RASGRP3: variants seen among roughly 807,000 people sequenced by gnomAD.
RASGRP3 encodes the protein RAS guanyl releasing protein 3.
Under a neutral mutation model 82.7 loss-of-function variants are expected in RASGRP3, and 54 were observed. That is an observed-to-expected ratio of 0.65 (90% CI 0.52 to 0.82). RASGRP3 has a LOEUF of 0.82. Ranked by LOEUF, RASGRP3 falls within the 40% of genes least tolerant of loss-of-function variation. The pLI is 0.00. For synonymous variants in RASGRP3, 309 were observed against 300.5 expected, an observed-to-expected ratio of 1.03 and a Z score of -0.29; for missense variants, 861 against 828.9, an observed-to-expected ratio of 1.04 and a Z score of -0.48.
intron 11 of RASGRP3, among the ~76,000 whole-genome samples, chr2:33,535,510 G>A (rs1253009885): frequency 2.0e-5 from 3 of 152,222 alleles, no homozygotes; most frequent in Non-Finnish European, 4.4e-5. Flanking sequence ...AATACCTACT[G>A]TGATTCTGAA....
chr2:33,458,733 C>T (rs1007338850), intron 2 of RASGRP3, among the ~76,000 whole-genome samples: 2 of 152,166 alleles, frequency 1.3e-5, no homozygotes, highest in Non-Finnish European at 2.9e-5. Context: ...CCACCAGCAC[C>T]ATTGCATGCT....
At chr2:33,454,622 A>G (rs1425721011) in intron 2 of RASGRP3, among the ~76,000 whole-genome samples, 1 of 152,226 alleles carries the variant, frequency 6.6e-6, no homozygotes. Flanking sequence ...GTTTTTGCCC[A>G]AGTGGGAGAT....
intron 14 of RASGRP3, among the ~76,000 whole-genome samples, chr2:33,553,727 C>T (rs1213983418): frequency 6.6e-6 from 1 of 152,092 alleles, no homozygotes; most frequent in Non-Finnish European, 1.5e-5. Context: ...TCCTAGGAGA[C>T]ATTTGCATTT....
At chr2:33,445,915 A>G (rs1386165627) in intron 1 of RASGRP3, among the ~76,000 whole-genome samples, 8 of 152,166 alleles carry the variant, frequency 5.3e-5, no homozygotes, top group East Asian at 1.9e-4. Flanking sequence ...GTTTCTTAAT[A>G]TTGGAGGAAA....
rs1363330142 is a variant in RASGRP3, at chr2:33,450,818, CTTTCTTTTTTTTTTT to C, written c.-261+2879_-261+2893del. ...CTTTTCTTTCTTTTTCTCTTTCTTT[CTTTCTTTTTTTTTTT>C]TTTTTTTTTTTTTTTTTTTTTTGAG... On this transcript the variant is annotated intron_variant, in intron 2 of 18. Coordinates refer to the RASGRP3 transcript ENST00000402538. Among the ~76,000 whole-genome samples, 39 of 43,408 alleles carry C rather than the reference CTTTCTTTTTTTTTTT, an allele frequency of 9.0e-4. 1 individual carries two copies. The highest frequency in any genetic ancestry group is 2.4e-3 in the South Asian group (3 of 1,258). 28.5% of individuals were successfully genotyped at this position (43,408 alleles called of 152,430 possible). A position where few individuals can be genotyped will look rare whatever the true frequency, so the allele number is the denominator to read the frequency against.
At chr2:33,464,107 A>T (rs1269216861) in intron 2 of RASGRP3, among the ~76,000 whole-genome samples, 13 of 142,572 alleles carry the variant, frequency 9.1e-5, no homozygotes, top group East Asian at 6.2e-4. Context: ...TAATAATAAT[A>T]ATAATTATTA....
intron 15 of RASGRP3, among the ~76,000 whole-genome samples, chr2:33,556,928 C>CACACAT (rs1553366467): frequency 6.8e-4 from 101 of 148,416 alleles, no homozygotes; most frequent in Non-Finnish European, 1.2e-3. Flanking sequence ...CACACACACA[C>CACACAT]GCAATTTTAT....
At chr2:33,554,337 A>G (rs1165457505) in intron 14 of RASGRP3, among the ~76,000 whole-genome samples, 2 of 152,128 alleles carry the variant, frequency 1.3e-5, no homozygotes, top group African/African-American at 4.8e-5. Context: ...ATAGCCACCT[A>G]ACCCAAACAC....
At chr2:33,555,505 T>C (rs377740104) in intron 14 of RASGRP3, 26 bp from the exon 15 acceptor site, 2 of 1,579,780 alleles carry the variant, frequency 1.3e-6, no homozygotes, top group African/African-American at 2.7e-5. Context: ...TCAGATTCCC[T>C]GACATTCCTT....
At chr2:33,485,041 A>G (rs564375707) in intron 1 of RASGRP3, among the ~76,000 whole-genome samples, 2 of 152,262 alleles carry the variant, frequency 1.3e-5, no homozygotes, top group African/African-American at 4.8e-5. Flanking sequence ...TCTACTAAAA[A>G]TACAAAATTA....
In RASGRP3 at chr2:33,521,956, C is replaced by T; in HGVS notation, c.370C>T (p.Pro124Ser). 2.5e-6 allele frequency: 4 copies of T among 1,605,482 alleles called. No homozygotes were observed. Among genetic ancestry groups the T allele is most frequent in the Non-Finnish European group, 3.4e-6 (4 of 1,177,794 alleles). The change falls in exon 7 of 18, where the codon CCT (proline) becomes TCT (serine). Residue 124 changes from proline to serine, a missense_variant and splice_region_variant. Coordinates refer to ENST00000403687, the MANE Select transcript of RASGRP3 (RefSeq NM_001139488.2). ...HVSLIDISSI[P>S]SYDWMRRVTQ... ...ACCGGACTCACTCTTCTTTTATAGT[C>T]CTTCCTATGACTGGATGAGAAGAGT...
intron 2 of RASGRP3, among the ~76,000 whole-genome samples, chr2:33,467,240 T>C (rs1666750074): frequency 6.6e-6 from 1 of 152,122 alleles, no homozygotes; most frequent in Non-Finnish European, 1.5e-5. Context: ...GTTATTGATA[T>C]TGGTTTGTTT....
intron 7 of RASGRP3, 99 bp downstream of exon 7, chr2:33,522,201 CA>C (rs2151024438): frequency 7.4e-7 from 1 of 1,355,116 alleles, no homozygotes; most frequent in East Asian, 2.3e-5. Flanking sequence ...CAGCTTCTAT[CA>C]CTGTGCTCTG....
At chr2:33,505,449 T>C (rs997693314) in intron 1 of RASGRP3, among the ~76,000 whole-genome samples, 28 of 151,940 alleles carry the variant, frequency 1.8e-4, no homozygotes, top group African/African-American at 6.8e-4. Context: ...ATTACTGGCA[T>C]GAGCCACCAC....
At chr2:33,558,083 G>C in intron 15 of RASGRP3, 128 bp from the exon 16 acceptor site, 1 of 1,271,118 alleles carries the variant, frequency 7.9e-7, no homozygotes, top group Non-Finnish European at 1.1e-6. Flanking sequence ...ATGGGCCTGA[G>C]CTCAACTCTG....
chr2:33,471,437 C>T (rs1667057205), intron 2 of RASGRP3, among the ~76,000 whole-genome samples: 1 of 151,152 alleles, frequency 6.6e-6, no homozygotes. Context: ...CCACCTTGGC[C>T]TCCCAAAGCA....
intron 1 of RASGRP3, among the ~76,000 whole-genome samples, chr2:33,494,093 G>C (rs1242453922): frequency 6.6e-6 from 1 of 152,120 alleles, no homozygotes; most frequent in East Asian, 1.9e-4. Flanking sequence ...TTACAACTTA[G>C]GCAAATCACC....
At chr2:33,561,926 CT>C (rs1193660165) in intron 17 of RASGRP3, among the ~76,000 whole-genome samples, 1 of 152,138 alleles carries the variant, frequency 6.6e-6, no homozygotes, top group Non-Finnish European at 1.5e-5. Flanking sequence ...TAAACTTCTT[CT>C]TTTGTTTTCC....
chr2:33,496,880 CA>C (rs1419870043), intron 1 of RASGRP3, among the ~76,000 whole-genome samples: 3 of 151,596 alleles, frequency 2.0e-5, no homozygotes, highest in Non-Finnish European at 4.4e-5. Flanking sequence ...AACAAACCAA[CA>C]AAAAAAACAA....
Sources: gnomAD v4.1 joint callset for allele counts (sites outside exome capture counted in the v4.1 genomes callset) on GRCh38, gnomAD v4.1.1 for gene constraint, MANE v1.5 for transcripts, NCBI Gene and HGNC (gene_info 2026-07-23, HGNC 2026-07-21) for gene names.